The following NRXN1 variants were observed in gnomAD, a reference collection of about 807,000 sequenced individuals.
NRXN1 encodes neurexin 1, also known as neurexin-1.
NRXN1 carries 39 observed loss-of-function variants against 150.9 expected under a neutral mutation model. That is an observed-to-expected ratio of 0.26 (90% CI 0.20 to 0.34). The LOEUF is 0.34. NRXN1 is among the 10% of genes least tolerant of loss of function. NRXN1 has a pLI of 1.00. For synonymous variants in NRXN1, 924 were observed against 757.0 expected (o/e 1.22, Z -3.62); for missense variants, 1,815 against 1,949.9 (o/e 0.93, Z 1.30).
At chr2:50,629,488 G>A (rs1017673329) in intron 5 of NRXN1, among the ~76,000 whole-genome samples, 1 of 151,620 alleles carries the variant, frequency 6.6e-6, no homozygotes, top group African/African-American at 2.4e-5. Flanking sequence ...GGATAGTAGT[G>A]AGGAGAACTC....
intron 11 of NRXN1, chr2:50,529,082 G>A (rs1459459234): frequency 6.4e-6 from 1 of 156,488 alleles, no homozygotes; most frequent in East Asian, 1.9e-4. Flanking sequence ...TCCCACAAAG[G>A]CCAACAGAAT....
chr2:50,828,571 C>T (rs1328699239), intron 5 of NRXN1, among the ~76,000 whole-genome samples: 1 of 151,048 alleles, frequency 6.6e-6, no homozygotes, highest in African/African-American at 2.4e-5. Context: ...CGGGCAGAGG[C>T]GCTCCTTACA....
chr2:50,176,072 G>A (rs899318441), intron 18 of NRXN1, among the ~76,000 whole-genome samples: 7 of 152,060 alleles, frequency 4.6e-5, no homozygotes, highest in Admixed American at 4.6e-4. Context: ...TTAGAAGGAT[G>A]GAAAAGCTAT....
At chr2:50,945,291 T>A (rs1056575063) in intron 2 of NRXN1, among the ~76,000 whole-genome samples, 1 of 152,066 alleles carries the variant, frequency 6.6e-6, no homozygotes, top group Non-Finnish European at 1.5e-5. Flanking sequence ...CTGGGCAATA[T>A]GGTAAAACCA....
intron 5 of NRXN1, among the ~76,000 whole-genome samples, chr2:50,827,920 G>T (rs1435718258): frequency 1.4e-5 from 2 of 145,670 alleles, no homozygotes; most frequent in Non-Finnish European, 3.1e-5. Context: ...ACAGGTTTGG[G>T]GGTAAGGTCA....
chr2:50,469,263 T>A (rs1322007559), intron 16 of NRXN1, among the ~76,000 whole-genome samples: 2 of 151,582 alleles, frequency 1.3e-5, no homozygotes, highest in African/African-American at 4.8e-5. Context: ...CTAAGTAGAC[T>A]TCGACGGGTT....
intron 21 of NRXN1, among the ~76,000 whole-genome samples, chr2:50,004,516 A>G (rs188559773): frequency 1.4e-3 from 207 of 152,222 alleles, no homozygotes; most frequent in African/African-American, 4.9e-3. Flanking sequence ...AATTTAGGCT[A>G]TTTGGCATAT....
intron 17 of NRXN1, among the ~76,000 whole-genome samples, chr2:50,411,949 C>A (rs2083216114): frequency 6.6e-6 from 1 of 152,148 alleles, no homozygotes; most frequent in South Asian, 2.1e-4. Flanking sequence ...ACATAGGAGA[C>A]TCCATTTTGT....
rs1373032832 is a variant in NRXN1 at position 50,051,237 on chromosome 2, G to T, written c.4128+2034C>A. Among the ~76,000 whole-genome samples the T allele has an allele frequency of 8.6e-5, 13 of 151,830 alleles. No homozygotes were observed. The East Asian group carries it at 2.5e-3, about 29-fold the overall frequency. On this transcript the variant is annotated intron_variant, in intron 21 of 22. Coordinates refer to ENST00000401669, the MANE Select transcript of NRXN1 (RefSeq NM_001330078.2). ...AGCTTTCAAATGAAACAGCTGTTTT[G>T]TACTTAAAAATAATATTTCTTAATA... is the stretch of plus-strand genomic sequence containing the variant.
intron 2 of NRXN1, among the ~76,000 whole-genome samples, chr2:50,952,856 A>T (rs1245921278): frequency 6.6e-6 from 1 of 152,144 alleles, no homozygotes; most frequent in Non-Finnish European, 1.5e-5. Flanking sequence ...ATACGTTGCC[A>T]TTTTAATTAA....
At chr2:50,951,961 A>ATTTTT (rs1312943065) in intron 2 of NRXN1, among the ~76,000 whole-genome samples, 53 of 82,626 alleles carry the variant, frequency 6.4e-4, no homozygotes, top group African/African-American at 9.0e-4. Flanking sequence ...ATATATATAT[A>ATTTTT]TATTTTTTTT....
chr2:50,351,756 C>A (rs1015766224), intron 17 of NRXN1, among the ~76,000 whole-genome samples: 1 of 151,970 alleles, frequency 6.6e-6, no homozygotes, highest in Non-Finnish European at 1.5e-5. Context: ...ATTGTTGATC[C>A]CTAACAGTTC....
At chr2:50,774,881 A>T (rs1358302817) in intron 5 of NRXN1, among the ~76,000 whole-genome samples, 1 of 152,176 alleles carries the variant, frequency 6.6e-6, no homozygotes, top group Non-Finnish European at 1.5e-5. Flanking sequence ...TCACCAATCG[A>T]ATTTCTAAAC....
chr2:51,024,717 AGTT>A (rs1320584462), intron 2 of NRXN1, among the ~76,000 whole-genome samples: 3 of 152,146 alleles, frequency 2.0e-5, no homozygotes, highest in East Asian at 3.8e-4. Context: ...ACTTTTTAGT[AGTT>A]CTTATTGTAT....
chr2:50,663,497 G>A (rs1471749180), intron 5 of NRXN1, among the ~76,000 whole-genome samples: 1 of 151,952 alleles, frequency 6.6e-6, no homozygotes, highest in Non-Finnish European at 1.5e-5. Flanking sequence ...TTAAATTGGA[G>A]ACTGAAGTCT....
chr2:50,591,431 G>GAT (rs146633979), intron 8 of NRXN1, among the ~76,000 whole-genome samples: 1 of 146,568 alleles, frequency 6.8e-6, no homozygotes, highest in Non-Finnish European at 1.5e-5. Flanking sequence ...TAGATAGATA[G>GAT]ATAGATAGAT....
chr2:50,710,794 A>G (rs1402048382), intron 5 of NRXN1, among the ~76,000 whole-genome samples: 1 of 152,226 alleles, frequency 6.6e-6, no homozygotes, highest in Non-Finnish European at 1.5e-5. Context: ...GCAAGGAAAG[A>G]GAAAATCTTT....
At position 50,683,613 on chromosome 2, in the gene NRXN1, CAG is replaced by C. The variant is rs527348009; in HGVS notation, c.833-60000_833-59999del. ...AGCCACTGCACTCCAGCCTGGGTGA[CAG>C]AGCAAGACTCCGTCTCAAAAAAAAA... On this transcript the variant is annotated intron_variant, in intron 5 of 22. Coordinates refer to ENST00000401669, the MANE Select transcript of NRXN1 (RefSeq NM_001330078.2). Among the ~76,000 whole-genome samples, 406 of 42,672 alleles carry C rather than the reference CAG, an allele frequency of 9.5e-3. 7 individuals carry two copies. Among genetic ancestry groups the C allele is most frequent in the African/African-American group, 0.036 (387 of 10,894 alleles). The allele number at this position is 42,672 out of a possible 152,430, so 28.0% of individuals were successfully genotyped here. A position where few individuals can be genotyped will look rare whatever the true frequency, so the allele number is the denominator to read the frequency against.
intron 21 of NRXN1, chr2:49,970,361 CAT>C (rs1677737388): frequency 6.6e-6 from 1 of 152,038 alleles, no homozygotes; most frequent in Admixed American, 6.6e-5. Context: ...TGATAATACA[CAT>C]AGTTTATGAT....
Sources: gnomAD v4.1 joint callset for allele counts (sites outside exome capture counted in the v4.1 genomes callset) on GRCh38, gnomAD v4.1.1 for gene constraint, MANE v1.5 for transcripts, NCBI Gene and HGNC (gene_info 2026-07-23, HGNC 2026-07-21) for gene names.